The following TSFM variants were observed in gnomAD, a reference collection of about 807,000 sequenced individuals.
The protein encoded by TSFM is elongation factor Ts, mitochondrial.
In TSFM, 29 loss-of-function variants were observed where a neutral mutation model predicts 33.4. The observed-to-expected ratio is 0.87, with a 90% CI of 0.65 to 1.18. The LOEUF (loss-of-function observed/expected upper bound fraction) is 1.18, where lower values mean the gene tolerates loss of function less well. Ranked by LOEUF, TSFM falls within the 50% of genes most tolerant of loss-of-function variation. The probability of loss-of-function intolerance (pLI) is 0.00; values close to 1 mark genes in which losing one functional copy is unlikely to be tolerated. For synonymous variants in TSFM, 178 were observed against 163.5 expected (o/e 1.09, Z -0.68); for missense variants, 394 against 395.6 (o/e 1.00, Z 0.04).
At chr12:57,788,553 A>T (rs536007051) in intron 4 of TSFM, among the ~76,000 whole-genome samples, 2 of 152,214 alleles carry the variant, frequency 1.3e-5, no homozygotes, top group African/African-American at 4.8e-5. Flanking sequence ...CTGGGATTAC[A>T]GGCGTGAGCC....
downstream of TSFM, chr12:57,797,871 G>A (rs1489543501): frequency 6.2e-7 from 1 of 1,602,070 alleles, no homozygotes; most frequent in East Asian, 2.2e-5. Context: ...ATAGGTATAG[G>A]CCTTCTTGCT....
Position 57,793,199 on chromosome 12 carries a change from G to A in TSFM, c.571+126G>A, listed in dbSNP as rs572079817. ...TCAGATGATACGAACGTGAGAAGTGGTGTGTGTGTTAGATGTTAGGGAACA... is the reference window on the plus strand; with the variant it reads ...TCAGATGATACGAACGTGAGAAGTGATGTGTGTGTTAGATGTTAGGGAACA... On this transcript the variant is annotated intron_variant, in intron 5 of 5. Coordinates refer to ENST00000652027, the MANE Select transcript of TSFM (RefSeq NM_005726.6). 1.4e-5 allele frequency: 11 copies of A among 773,886 alleles called. 1 individual carries two copies. The Admixed American group carries it at 3.0e-4, about 21-fold the overall frequency. 47.9% of individuals were successfully genotyped at this position (773,886 alleles called of 1,614,324 possible).
rs757189881 is a variant in TSFM at position 57,782,796 on chromosome 12, A to T, written c.-6A>T. On this transcript the variant is annotated 5_prime_UTR_variant, in exon 1 of 6. Transcript: ENST00000652027. ...CCGCCGGAGGGTGTTTATCGCGGCTAGAGAGATGTCGCTGCTGCGGTCGCT... is the reference window on the plus strand; with the variant it reads ...CCGCCGGAGGGTGTTTATCGCGGCTTGAGAGATGTCGCTGCTGCGGTCGCT... 1 of 1,588,202 alleles carries T rather than the reference A, an allele frequency of 6.3e-7. No homozygotes were observed. The highest frequency in any genetic ancestry group is 8.6e-7 in the Non-Finnish European group (1 of 1,167,968).
downstream of TSFM, chr12:57,797,663 C>A: frequency 1.3e-6 from 1 of 746,800 alleles, no homozygotes; most frequent in Non-Finnish European, 1.7e-6. Context: ...AGCTAGAGGG[C>A]CACAAAACCC....
chr12:57,786,942 C>G, intron 3 of TSFM, 98 bp from the exon 4 acceptor site: 1 of 1,346,026 alleles, frequency 7.4e-7, no homozygotes, highest in Non-Finnish European at 1.0e-6. Flanking sequence ...GAGTCTGTAG[C>G]TTGTTCTATC....
At position 57,796,821 on chromosome 12, in the gene TSFM, A is replaced by G; in HGVS notation, c.*238A>G. The G allele has an allele frequency of 3.4e-6, 4 of 1,165,506 alleles. No individual in the cohort carries two copies. Among genetic ancestry groups the G allele is most frequent in the East Asian group, 7.9e-5 (2 of 25,226 alleles). 72.2% of individuals were successfully genotyped at this position (1,165,506 alleles called of 1,614,324 possible). ...ATAGTGTCGTGGAGAACAGGCATCA[A>G]CAATACTGCTGCTCCCTTCAACATA... On this transcript the variant is annotated 3_prime_UTR_variant, in exon 6 of 6. Transcript: ENST00000652027.
rs1955756723 is a variant in TSFM at position 57,797,359 on chromosome 12, TAC to T, written c.*777_*778del. The stretch of plus-strand genomic sequence containing the variant: ...ATTACCGTAACAAGCAGACCCAGAA[TAC>T]TGAAAATAACTCCATTTGTTCATTA... On this transcript the variant is annotated 3_prime_UTR_variant, in exon 6 of 6. Transcript: ENST00000652027. 1.0e-6 allele frequency: 1 copy of T among 985,290 alleles called. No individual in the cohort carries two copies. Among genetic ancestry groups the T allele is most frequent in the Non-Finnish European group, 1.2e-6 (1 of 829,918 alleles). The allele number at this position is 985,290 out of a possible 1,614,324, so 61.0% of individuals were successfully genotyped here.
Position 57,782,793 on chromosome 12 carries a change from G to A in TSFM, c.-9G>A, listed in dbSNP as rs1434694212. The A allele has an allele frequency of 6.3e-7, 1 of 1,586,470 alleles. No individual in the cohort carries two copies. The highest frequency in any genetic ancestry group is 1.2e-5 in the South Asian group (1 of 86,882). On this transcript the variant is annotated 5_prime_UTR_variant, in exon 1 of 6. Coordinates refer to ENST00000652027, the MANE Select transcript of TSFM (RefSeq NM_005726.6). ...CGCCCGCCGGAGGGTGTTTATCGCG[G>A]CTAGAGAGATGTCGCTGCTGCGGTC...
chr12:57,802,306 CCTT>C (rs780481776), downstream of TSFM: 38 of 1,613,790 alleles, frequency 2.4e-5, no homozygotes, highest in East Asian at 2.7e-4. Flanking sequence ...AGGGCACTCT[CCTT>C]CTCCGTGGCA....
At chr12:57,801,216 A>C (rs753811390), downstream of TSFM, 2 of 1,612,312 alleles carry the variant, frequency 1.2e-6, no homozygotes, top group Non-Finnish European at 1.7e-6. Context: ...TTCCTGCCTG[A>C]GAAGAAGAGA....
At chr12:57,801,137 G>C, downstream of TSFM, 4 of 1,612,904 alleles carry the variant, frequency 2.5e-6, no homozygotes, top group African/African-American at 1.3e-5. Context: ...GAGCGAACCC[G>C]ACTCACAGCA....
At chr12:57,794,145 G>A (rs966397413) in intron 5 of TSFM, among the ~76,000 whole-genome samples, 19 of 152,210 alleles carry the variant, frequency 1.2e-4, no homozygotes, top group Non-Finnish European at 2.6e-4. Context: ...TGAGAAACCA[G>A]GCAGACAGCT....
chr12:57,799,768 A>G (rs112927452), downstream of TSFM: 9,407 of 1,613,054 alleles, frequency 5.8e-3, 282 homozygotes, highest in South Asian at 0.063. Flanking sequence ...TCCACTTCCA[A>G]CAGACACAGT....
chr12:57,802,787 C>A (rs1955876934), downstream of TSFM: 3 of 577,508 alleles, frequency 5.2e-6, no homozygotes, highest in Non-Finnish European at 9.2e-6. Context: ...AATGAGTCAC[C>A]AGGGCTGACC....
intron 2 of TSFM, among the ~76,000 whole-genome samples, chr12:57,785,889 A>G (rs1220170305): frequency 6.6e-6 from 1 of 152,178 alleles, no homozygotes; most frequent in African/African-American, 2.4e-5. Context: ...GCAGTCCGTC[A>G]TTGTCCAAAA....
In TSFM at chr12:57,787,311, G is replaced by C. The variant is rs547148972; in HGVS notation, c.483+149G>C. ...CTTTGCATAGAATTACCCTTCCCCC[G>C]TTGCTATATCCCCGTGTCATGCTGC... is the stretch of plus-strand genomic sequence containing the variant. On this transcript the variant is annotated intron_variant, in intron 4 of 5. Transcript: ENST00000652027. The C allele has an allele frequency of 5.0e-6, 4 of 806,020 alleles. No individual in the cohort carries two copies. In the South Asian group the frequency reaches 1.1e-4, roughly 22 times the overall value. 49.9% of individuals were successfully genotyped at this position (806,020 alleles called of 1,614,324 possible). A position where few individuals can be genotyped will look rare whatever the true frequency, so the allele number is the denominator to read the frequency against.
chr12:57,792,381 C>T (rs900993939), intron 4 of TSFM, among the ~76,000 whole-genome samples: 16 of 152,278 alleles, frequency 1.1e-4, no homozygotes, highest in Admixed American at 8.5e-4. Context: ...AACCCCATCT[C>T]TATATTTAAA....
chr12:57,788,809 G>GT (rs1955623915), intron 4 of TSFM, among the ~76,000 whole-genome samples: 1 of 151,412 alleles, frequency 6.6e-6, no homozygotes, highest in African/African-American at 2.4e-5. Context: ...TCATTTTTAA[G>GT]TTTTTTGTAG....
At chr12:57,789,322 A>T (rs1955631545) in intron 4 of TSFM, among the ~76,000 whole-genome samples, 1 of 151,896 alleles carries the variant, frequency 6.6e-6, no homozygotes, top group Non-Finnish European at 1.5e-5. Flanking sequence ...AGGATCCTTT[A>T]TTCCTTCAGC....
Sources: allele counts gnomAD v4.1 joint callset (sites outside exome capture counted in the v4.1 genomes callset), GRCh38; gene constraint gnomAD v4.1.1; transcripts MANE v1.5; gene names NCBI Gene and HGNC (gene_info 2026-07-23, HGNC 2026-07-21).